The following SYT14 variants were observed in gnomAD, a reference collection of about 807,000 sequenced individuals.
SYT14 encodes synaptotagmin 14.
A neutral mutation model predicts 74.2 loss-of-function variants in SYT14; 32 were observed. The ratio of observed to expected loss-of-function variants is 0.43; its 90% CI spans 0.33 to 0.58. The LOEUF is 0.58. Ranked by LOEUF, SYT14 falls within the 20% of genes least tolerant of loss-of-function variation. The pLI, the probability that SYT14 is intolerant of heterozygous loss-of-function variation, is 0.05. For missense variants in SYT14, 791 were observed against 981.8 expected (o/e 0.81, Z 2.60); for synonymous variants, 298 against 337.7 (o/e 0.88, Z 1.29).
intron 2 of SYT14, among the ~76,000 whole-genome samples, chr1:209,978,277 C>T (rs1363685945): frequency 6.6e-6 from 1 of 151,234 alleles, no homozygotes; most frequent in Non-Finnish European, 1.5e-5. Context: ...GGAGGAGAGG[C>T]GCTCTGATTT....
chr1:210,153,564 A>T (rs971394095), intron 7 of SYT14, among the ~76,000 whole-genome samples: 2 of 151,974 alleles, frequency 1.3e-5, no homozygotes, highest in Non-Finnish European at 2.9e-5. Flanking sequence ...AATAAATTTT[A>T]TTTTCTGTTT....
At chr1:210,115,756 G>A (rs777425876) in intron 7 of SYT14, among the ~76,000 whole-genome samples, 2 of 151,042 alleles carry the variant, frequency 1.3e-5, no homozygotes, top group African/African-American at 5.0e-5. Flanking sequence ...ACCCGAGGTC[G>A]TAGGTGGATC....
chr1:210,160,537 C>T (rs1407678653), intron 9 of SYT14, among the ~76,000 whole-genome samples, 192 bp from the exon 9 acceptor site: 1 of 151,996 alleles, frequency 6.6e-6, no homozygotes. Context: ...TATTTTTGGC[C>T]TATTTAGGAT....
intron 5 of SYT14, among the ~76,000 whole-genome samples, chr1:210,080,665 AAAGAT>A (rs1308175878): frequency 6.6e-6 from 1 of 152,240 alleles, no homozygotes; most frequent in Non-Finnish European, 1.5e-5. Flanking sequence ...CTGCAGGTAC[AAAGAT>A]AAGAGACAGT....
chr1:209,960,398 T>A (rs960287280), intron 2 of SYT14, among the ~76,000 whole-genome samples: 1 of 152,172 alleles, frequency 6.6e-6, no homozygotes, highest in Admixed American at 6.5e-5. Context: ...TTTTTAAACA[T>A]TGAAAATAAA....
At chr1:210,090,464 C>G (rs1467872689) in intron 5 of SYT14, among the ~76,000 whole-genome samples, 1 of 151,780 alleles carries the variant, frequency 6.6e-6, no homozygotes, top group African/African-American at 2.4e-5. Flanking sequence ...AACCACAGGT[C>G]ATATTCCGTG....
intron 5 of SYT14, among the ~76,000 whole-genome samples, chr1:210,081,506 A>C (rs1046896001): frequency 6.6e-6 from 1 of 152,234 alleles, no homozygotes; most frequent in Non-Finnish European, 1.5e-5. Flanking sequence ...TATTATGCCA[A>C]AAACAATTTA....
intron 5 of SYT14, among the ~76,000 whole-genome samples, chr1:210,040,661 G>T (rs2102342699): frequency 6.6e-6 from 1 of 152,218 alleles, no homozygotes; most frequent in South Asian, 2.1e-4. Context: ...AGGAGTTTCT[G>T]AACTTAGTAA....
intron 2 of SYT14, among the ~76,000 whole-genome samples, chr1:209,961,942 T>G (rs552980383): frequency 2.0e-5 from 3 of 152,250 alleles, no homozygotes; most frequent in Middle Eastern, 6.8e-3. Flanking sequence ...TGGCTCCTAG[T>G]ATGAAAAATC....
At chr1:210,142,045 A>G (rs1405180268) in intron 7 of SYT14, among the ~76,000 whole-genome samples, 1 of 152,198 alleles carries the variant, frequency 6.6e-6, no homozygotes, top group Non-Finnish European at 1.5e-5. Flanking sequence ...TGTTCTAAGG[A>G]TATAGTTCTT....
intron 5 of SYT14, among the ~76,000 whole-genome samples, chr1:210,068,329 T>C (rs1289128327): frequency 6.6e-6 from 1 of 151,846 alleles, no homozygotes; most frequent in Non-Finnish European, 1.5e-5. Flanking sequence ...GTTCCCTTTA[T>C]AAAGGGGTTT....
In SYT14 at chr1:210,005,031, C is replaced by T. The variant is rs151078811; in HGVS notation, c.-485-8602C>T. Among the ~76,000 whole-genome samples, 642 of 151,930 alleles carry T rather than the reference C, an allele frequency of 4.2e-3. 2 individuals are homozygous for T. The highest frequency in any genetic ancestry group is 0.013 in the African/African-American group (553 of 41,480). ...CTTGTCATCACTAACTGAACTATGC[C>T]GGACTCATTTATTTAGTGGATAAGA... On this transcript the variant is annotated intron_variant, in intron 2 of 9. Transcript: ENST00000637265.
chr1:209,968,619 A>G (rs2079194318), intron 2 of SYT14, among the ~76,000 whole-genome samples: 1 of 152,056 alleles, frequency 6.6e-6, no homozygotes, highest in Admixed American at 6.5e-5. Flanking sequence ...CCAGAATGTC[A>G]TATAGTTGGA....
At chr1:210,029,354 G>T (rs750766596) in intron 5 of SYT14, among the ~76,000 whole-genome samples, 8 of 152,002 alleles carry the variant, frequency 5.3e-5, no homozygotes, top group Non-Finnish European at 1.2e-4. Context: ...ATCCAATGTT[G>T]TGAGGCTTTT....
At chr1:209,987,299 G>A (rs1025500922) in intron 2 of SYT14, among the ~76,000 whole-genome samples, 2 of 152,200 alleles carry the variant, frequency 1.3e-5, no homozygotes, top group African/African-American at 4.8e-5. Flanking sequence ...TTGCTATAAA[G>A]AAATACCTGA....
At chr1:209,973,895 T>A (rs1182392938) in intron 2 of SYT14, among the ~76,000 whole-genome samples, 1 of 152,214 alleles carries the variant, frequency 6.6e-6, no homozygotes, top group Admixed American at 6.5e-5. Context: ...TTTTTAATGA[T>A]CGCCATTCTA....
chr1:210,032,457 T>G (rs1431465761), intron 5 of SYT14, among the ~76,000 whole-genome samples: 4 of 152,030 alleles, frequency 2.6e-5, no homozygotes, highest in Non-Finnish European at 5.9e-5. Context: ...AGTAGAAAGA[T>G]TCTTTACCAC....
At chr1:210,128,376 CA>C (rs35998734) in intron 7 of SYT14, among the ~76,000 whole-genome samples, 2,017 of 125,426 alleles carry the variant, frequency 0.016, 26 homozygotes, top group African/African-American at 0.044. Flanking sequence ...GACCCTGTCT[CA>C]AAAAAAAAAA....
intron 7 of SYT14, among the ~76,000 whole-genome samples, chr1:210,122,068 C>G (rs1421745065): frequency 8.8e-5 from 2 of 22,856 alleles, no homozygotes; most frequent in Non-Finnish European, 1.4e-4. Context: ...AGCTCCGCCT[C>G]CCGGGTTCAC....
Sources: gnomAD v4.1 joint callset for allele counts (sites outside exome capture counted in the v4.1 genomes callset) on GRCh38, gnomAD v4.1.1 for gene constraint, MANE v1.5 for transcripts, NCBI Gene and HGNC (gene_info 2026-07-23, HGNC 2026-07-21) for gene names.